Variants in CENPC observed in about 807,000 individuals in gnomAD.
CENPC encodes CENP-C 1.
CENPC carries 63 observed loss-of-function variants against 112.1 expected under a neutral mutation model. That is an observed-to-expected ratio of 0.56 (90% confidence interval 0.46 to 0.69). The LOEUF is 0.69. Among genes scored for constraint, CENPC ranks in the 30% least tolerant of loss-of-function variants. The pLI, the probability that CENPC is intolerant of heterozygous loss-of-function variation, is 0.00. For missense variants in CENPC, 1,000 were observed against 1,103.8 expected, an observed-to-expected ratio of 0.91 and a Z score of 1.33; for synonymous variants, 333 against 367.6, an observed-to-expected ratio of 0.91 and a Z score of 1.08.
At position 67,492,886 on chromosome 4, in the gene CENPC, A is replaced by G; in HGVS notation, c.2402T>C (p.Leu801Pro). 2 of 1,568,854 alleles carry G rather than the reference A, an allele frequency of 1.3e-6. No individual in the cohort carries two copies. The highest frequency in any genetic ancestry group is 1.7e-6 in the Non-Finnish European group (2 of 1,152,520). Reference protein sequence around the residue: ...NKKSNKKRICLDNDERKTNLM... With the variant: ...NKKSNKKRICPDNDERKTNLM... ...GTTCATACTTCTTTCATCGTTATCA[A>G]GACAGATCCTTTTCTTATTAGATTT... Residue 801 changes from leucine to proline, a missense_variant, in exon 15 of 19, where the codon CTT (leucine) becomes CCT (proline). Transcript: ENST00000273853.
At chr4:67,541,091 T>G in intron 2 of CENPC, 41 bp from the exon 3 acceptor site, 1 of 1,257,330 alleles carries the variant, frequency 8.0e-7, no homozygotes, top group Non-Finnish European at 1.1e-6. Context: ...TCAGAAGATA[T>G]TTCTTTATAT....
intron 12 of CENPC, among the ~76,000 whole-genome samples, chr4:67,503,905 C>G (rs779751166): frequency 8.6e-5 from 13 of 151,870 alleles, no homozygotes; most frequent in Admixed American, 5.9e-4. Context: ...CTTAGAATAA[C>G]AGCAAAAATT....
At chr4:67,535,347 G>T (rs1726685530) in intron 4 of CENPC, among the ~76,000 whole-genome samples, 1 of 151,684 alleles carries the variant, frequency 6.6e-6, no homozygotes, top group South Asian at 2.1e-4. Context: ...CAAGAAATAA[G>T]AGTTGCAATT....
At chr4:67,543,337 T>A (rs1437677545) in intron 2 of CENPC, among the ~76,000 whole-genome samples, 1 of 152,196 alleles carries the variant, frequency 6.6e-6, no homozygotes, top group African/African-American at 2.4e-5. Context: ...ATATACTTTA[T>A]CTTAGTCTTT....
intron 17 of CENPC, among the ~76,000 whole-genome samples, chr4:67,476,064 C>T (rs572427231): frequency 3.2e-4 from 49 of 152,182 alleles, no homozygotes; most frequent in Non-Finnish European, 5.0e-4. Flanking sequence ...GCATTACTCA[C>T]ATGTTTGTGG....
At chr4:67,520,533 G>C (rs976209576) in intron 5 of CENPC, among the ~76,000 whole-genome samples, 18 of 152,032 alleles carry the variant, frequency 1.2e-4, no homozygotes, top group Admixed American at 6.5e-5. Flanking sequence ...GGAAACCCAG[G>C]ACCAGCAGCT....
At chr4:67,491,975 T>C (rs1315837610) in intron 16 of CENPC, among the ~76,000 whole-genome samples, 1 of 152,106 alleles carries the variant, frequency 6.6e-6, no homozygotes, top group African/African-American at 2.4e-5. Context: ...GTCCGGGGTG[T>C]TAAGTGTCCC....
At chr4:67,492,419 A>C (rs1725309970) in intron 15 of CENPC, 144 bp from the exon 16 acceptor site, 7 of 560,110 alleles carry the variant, frequency 1.2e-5, no homozygotes, top group Non-Finnish European at 2.2e-5. Context: ...AATCACTCTG[A>C]TAAACAAAAA....
chr4:67,526,983 G>C (rs1726399925), intron 5 of CENPC, among the ~76,000 whole-genome samples: 1 of 152,066 alleles, frequency 6.6e-6, no homozygotes, highest in African/African-American at 2.4e-5. Context: ...ATAAGGAAAA[G>C]ATAATATGAA....
At chr4:67,509,181 T>C in intron 9 of CENPC, 76 bp from the exon 10 acceptor site, 1 of 878,908 alleles carries the variant, frequency 1.1e-6, no homozygotes, top group South Asian at 1.7e-5. Context: ...CAACAGCATT[T>C]ATATTTGCAT....
chr4:67,540,937 C>A, intron 3 of CENPC, 43 bp downstream of exon 3: 1 of 1,276,868 alleles, frequency 7.8e-7, no homozygotes, highest in South Asian at 1.3e-5. Flanking sequence ...TTCATATTTT[C>A]ATCCATCTAA....
intron 1 of CENPC, 150 bp from the exon 2 acceptor site, chr4:67,544,345 C>T: frequency 1.7e-6 from 1 of 593,458 alleles, no homozygotes; most frequent in South Asian, 2.1e-5. Flanking sequence ...TATGACATAA[C>T]ATAGGTTATG....
At chr4:67,522,954 T>C (rs183699283) in intron 5 of CENPC, among the ~76,000 whole-genome samples, 22 of 151,576 alleles carry the variant, frequency 1.5e-4, no homozygotes, top group Admixed American at 2.6e-4. Flanking sequence ...GCACCAAGAT[T>C]GTGCCATTGC....
chr4:67,498,352 C>T (rs1725497894), intron 12 of CENPC, among the ~76,000 whole-genome samples: 1 of 152,090 alleles, frequency 6.6e-6, no homozygotes, highest in Non-Finnish European at 1.5e-5. Flanking sequence ...GCTGACTGAT[C>T]AGGCTGGGGT....
intron 1 of CENPC, 119 bp downstream of exon 1, chr4:67,545,219 C>G: frequency 1.0e-6 from 1 of 994,246 alleles, no homozygotes; most frequent in South Asian, 2.3e-5. Context: ...TGCGGCTTTC[C>G]CACTGAAATC....
intron 9 of CENPC, 70 bp from the exon 10 acceptor site, chr4:67,509,175 A>G: frequency 9.7e-7 from 1 of 1,035,306 alleles, no homozygotes; most frequent in Non-Finnish European, 1.4e-6. Context: ...AAATACCAAC[A>G]GCATTTATAT....
chr4:67,523,961 A>C (rs1394159022), intron 5 of CENPC, among the ~76,000 whole-genome samples: 3 of 152,122 alleles, frequency 2.0e-5, no homozygotes, highest in Non-Finnish European at 4.4e-5. Context: ...TCTGAATAAC[A>C]AAATAAACAG....
intron 17 of CENPC, among the ~76,000 whole-genome samples, chr4:67,482,958 G>C (rs1050276028): frequency 2.6e-5 from 4 of 152,158 alleles, no homozygotes; most frequent in African/African-American, 9.7e-5. Flanking sequence ...GGAGGTAGTT[G>C]AATCATGGGG....
chr4:67,479,469 G>T (rs1311536737), intron 17 of CENPC, among the ~76,000 whole-genome samples: 2 of 152,192 alleles, frequency 1.3e-5, no homozygotes, highest in African/African-American at 4.8e-5. Context: ...CCTCCTGAAT[G>T]ATTGTTGGGT....
Sources: gnomAD v4.1 joint callset for allele counts (sites outside exome capture counted in the v4.1 genomes callset) on GRCh38, gnomAD v4.1.1 for gene constraint, MANE v1.5 for transcripts, NCBI Gene and HGNC (gene_info 2026-07-23, HGNC 2026-07-21) for gene names.